Variants in OPCML observed in about 807,000 individuals in gnomAD.
The protein encoded by OPCML is opioid-binding protein/cell adhesion molecule.
A neutral mutation model predicts 37.8 loss-of-function variants in OPCML; 13 were observed. That is an observed-to-expected ratio of 0.34 (90% CI 0.22 to 0.55). The LOEUF (loss-of-function observed/expected upper bound fraction) is 0.55, where lower values mean the gene tolerates loss of function less well. Among genes scored for constraint, OPCML ranks in the 20% least tolerant of loss-of-function variants. The pLI is 0.91. For missense variants in OPCML, 341 were observed against 435.6 expected, an observed-to-expected ratio of 0.78 and a Z score of 1.93; for synonymous variants, 176 against 168.8, an observed-to-expected ratio of 1.04 and a Z score of -0.33.
At chr11:133,253,154 A>AAG in intron 1 of OPCML, among the ~76,000 whole-genome samples, 1 of 151,902 alleles carries the variant, frequency 6.6e-6, no homozygotes, top group South Asian at 2.1e-4. Flanking sequence ...TCAAAAAAAA[A>AAG]AAAAAAAGGA....
intron 1 of OPCML, among the ~76,000 whole-genome samples, chr11:133,354,220 C>CGTAA (rs374553837): frequency 0.16 from 83 of 524 alleles, no homozygotes; most frequent in South Asian, 0.32. Context: ...GGTGATGATG[C>CGTAA]TGGTGCTGGT....
intron 1 of OPCML, among the ~76,000 whole-genome samples, chr11:133,051,079 A>C (rs985958110): frequency 6.6e-6 from 1 of 151,404 alleles, no homozygotes; most frequent in African/African-American, 2.4e-5. Context: ...ACACACACAC[A>C]CACACACCTC....
chr11:133,118,785 C>T (rs954356468), intron 1 of OPCML, among the ~76,000 whole-genome samples: 1 of 152,160 alleles, frequency 6.6e-6, no homozygotes, highest in Non-Finnish European at 1.5e-5. Flanking sequence ...GTATTCCTGG[C>T]CATGCCTCCC....
In OPCML at chr11:133,066,768, C is replaced by A. The variant is rs1433905501; in HGVS notation, c.62-123758G>T. 4 of 152,268 alleles carry A rather than the reference C, an allele frequency of 2.6e-5. No homozygotes were observed. The East Asian group carries it at 7.7e-4, about 29-fold the overall frequency. The allele number at this position is 152,268 out of a possible 1,614,324, so 9.4% of individuals were successfully genotyped here. ...CTCGGCTTACTGTGACATCCGCCTC[C>A]TGGGTTCAAACCATTCTCCTGCCTC... On this transcript the variant is annotated intron_variant, in intron 1 of 7. Transcript: ENST00000524381.
At chr11:133,321,500 G>A (rs1943329291) in intron 1 of OPCML, among the ~76,000 whole-genome samples, 1 of 152,174 alleles carries the variant, frequency 6.6e-6, no homozygotes, top group South Asian at 2.1e-4. Flanking sequence ...GTGTGCACAT[G>A]TGGGCCTAAA....
rs537887886 is a variant in OPCML at position 133,004,534 on chromosome 11, C to T, written c.62-61524G>A. 9 of 985,424 alleles carry T rather than the reference C, an allele frequency of 9.1e-6. No homozygotes were observed. The East Asian group carries it at 9.1e-4, about 100-fold the overall frequency. The allele number at this position is 985,424 out of a possible 1,614,324, so 61.0% of individuals were successfully genotyped here. A position where few individuals can be genotyped will look rare whatever the true frequency, so the allele number is the denominator to read the frequency against. On this transcript the variant is annotated intron_variant, in intron 1 of 7. Transcript: ENST00000524381. ...ACGACCGAGGTCGGCCTTGGCCATG[C>T]ACCTCTTGGCCGTCCTGACACTGCC...
intron 1 of OPCML, among the ~76,000 whole-genome samples, chr11:133,326,946 G>T: frequency 6.8e-6 from 1 of 147,778 alleles, no homozygotes; most frequent in African/African-American, 2.5e-5. Context: ...GCGTGGGTGG[G>T]GTGTGTGTAT....
chr11:132,773,443 G>T (rs1031629543), intron 2 of OPCML: 1 of 152,036 alleles, frequency 6.6e-6, no homozygotes, highest in African/African-American at 2.4e-5. Flanking sequence ...TTAACCTGCC[G>T]GCTCGCGGTG....
chr11:132,776,070 C>G (rs1338200107), intron 2 of OPCML, among the ~76,000 whole-genome samples: 2 of 152,146 alleles, frequency 1.3e-5, no homozygotes, highest in Non-Finnish European at 2.9e-5. Context: ...GCTGGGACTA[C>G]AGGCATGCCT....
intron 1 of OPCML, chr11:133,024,377 C>T (rs970855010): frequency 1.0e-6 from 1 of 985,306 alleles, no homozygotes; most frequent in Non-Finnish European, 1.2e-6. Flanking sequence ...TTGAACTTAA[C>T]TCATTAGGAT....
At chr11:133,253,404 G>A (rs1319664407) in intron 1 of OPCML, among the ~76,000 whole-genome samples, 2 of 152,146 alleles carry the variant, frequency 1.3e-5, no homozygotes, top group Non-Finnish European at 2.9e-5. Flanking sequence ...CTGCCTCCCA[G>A]GTTCAAGTGA....
intron 2 of OPCML, among the ~76,000 whole-genome samples, chr11:132,787,163 C>A (rs1337394794): frequency 6.6e-6 from 1 of 152,250 alleles, no homozygotes; most frequent in East Asian, 1.9e-4. Flanking sequence ...AAATAAACCT[C>A]AAATATGTCC....
intron 1 of OPCML, among the ~76,000 whole-genome samples, chr11:132,978,553 C>T (rs1364142724): frequency 1.3e-5 from 2 of 152,074 alleles, no homozygotes; most frequent in East Asian, 1.9e-4. Context: ...ATGGCTACCC[C>T]GGGGGTCTGC....
chr11:132,597,881 G>A (rs958502829), intron 3 of OPCML, among the ~76,000 whole-genome samples: 3 of 152,144 alleles, frequency 2.0e-5, no homozygotes, highest in East Asian at 3.8e-4. Flanking sequence ...GCATTTTAAT[G>A]TGGCATAGCT....
At chr11:133,289,594 C>CAAAAAAAAA (rs1229577687) in intron 1 of OPCML, among the ~76,000 whole-genome samples, 1 of 52,302 alleles carries the variant, frequency 1.9e-5, no homozygotes, top group African/African-American at 7.5e-5. Flanking sequence ...GACTCCATCT[C>CAAAAAAAAA]AAAAAAAAAA....
At chr11:132,669,961 C>G (rs1942389030) in intron 2 of OPCML, among the ~76,000 whole-genome samples, 1 of 152,098 alleles carries the variant, frequency 6.6e-6, no homozygotes, top group Non-Finnish European at 1.5e-5. Flanking sequence ...CCACCCAGAA[C>G]AATTCTTGTT....
chr11:133,488,883 C>T (rs1947590878), intron 1 of OPCML, among the ~76,000 whole-genome samples: 1 of 150,876 alleles, frequency 6.6e-6, no homozygotes. Flanking sequence ...ACACATAGAT[C>T]AATGGGACAG....
chr11:132,959,549 G>A (rs1565367683), intron 1 of OPCML, among the ~76,000 whole-genome samples: 1 of 152,208 alleles, frequency 6.6e-6, no homozygotes, highest in Non-Finnish European at 1.5e-5. Flanking sequence ...GAAGGGAAGA[G>A]TGGGGCACAG....
At chr11:133,110,123 A>G (rs1202599137) in intron 1 of OPCML, among the ~76,000 whole-genome samples, 1 of 152,170 alleles carries the variant, frequency 6.6e-6, no homozygotes, top group East Asian at 1.9e-4. Context: ...TTTCAATCCA[A>G]AAAGTCCACT....
Sources: allele counts gnomAD v4.1 joint callset (sites outside exome capture counted in the v4.1 genomes callset), GRCh38; gene constraint gnomAD v4.1.1; transcripts MANE v1.5; gene names NCBI Gene and HGNC (gene_info 2026-07-23, HGNC 2026-07-21).